MBTD1: variants seen among roughly 807,000 people sequenced by gnomAD.
MBTD1 encodes mbt domain containing 1, also known as MBT domain-containing protein 1.
Under a neutral mutation model 87.8 loss-of-function variants are expected in MBTD1, and 24 were observed. The ratio of observed to expected loss-of-function variants is 0.27; its 90% CI spans 0.20 to 0.38. MBTD1 has a LOEUF of 0.38. Among genes scored for constraint, MBTD1 ranks in the 10% least tolerant of loss-of-function variants. MBTD1 has a pLI of 1.00. For missense variants in MBTD1, 436 were observed against 760.2 expected (o/e 0.57, Z 5.02); for synonymous variants, 237 against 248.6 (o/e 0.95, Z 0.44).
At chr17:51,253,281 C>T (rs1159161512) in intron 2 of MBTD1, among the ~76,000 whole-genome samples, 1 of 152,116 alleles carries the variant, frequency 6.6e-6, no homozygotes, top group Non-Finnish European at 1.5e-5. Context: ...CTTAAAATGG[C>T]TATGCCTTTT....
intron 1 of MBTD1, 21 bp downstream of exon 1, chr17:51,259,814 G>C (rs1487045495): frequency 1.6e-6 from 2 of 1,232,408 alleles, no homozygotes; most frequent in Non-Finnish European, 2.0e-6. Context: ...ACACAAAGCG[G>C]CTGCCGCGCT....
At chr17:51,250,199 A>G (rs1164222448) in intron 2 of MBTD1, 1 of 151,778 alleles carries the variant, frequency 6.6e-6, no homozygotes, top group Admixed American at 6.6e-5. Flanking sequence ...GCCACCACAC[A>G]TGGCCTTAGT....
At chr17:51,234,400 C>CAAAAAAAA (rs71149356) in intron 2 of MBTD1, among the ~76,000 whole-genome samples, 5 of 68,670 alleles carry the variant, frequency 7.3e-5, no homozygotes, top group African/African-American at 1.2e-4. Flanking sequence ...TCCCCGTCTC[C>CAAAAAAAA]AAAAAAAAAA....
chr17:51,241,179 T>A (rs1471456173), intron 2 of MBTD1, among the ~76,000 whole-genome samples: 1 of 152,108 alleles, frequency 6.6e-6, no homozygotes, highest in African/African-American at 2.4e-5. Context: ...TTTGCCATGT[T>A]GCCAGGCTAG....
At chr17:51,236,704 T>G (rs934714606) in intron 2 of MBTD1, among the ~76,000 whole-genome samples, 1 of 152,130 alleles carries the variant, frequency 6.6e-6, no homozygotes, top group African/African-American at 2.4e-5. Context: ...TCTCTCTGTT[T>G]GCTTATATAT....
intron 16 of MBTD1, 66 bp from the exon 17 acceptor site, chr17:51,180,760 C>T (rs2050269203): frequency 7.4e-6 from 6 of 811,664 alleles, no homozygotes; most frequent in Admixed American, 2.4e-5. Context: ...TGCCTGTGAT[C>T]TTCGTGTTCC....
chr17:51,214,210 T>C (rs2052436479), intron 6 of MBTD1, among the ~76,000 whole-genome samples: 1 of 152,134 alleles, frequency 6.6e-6, no homozygotes, highest in Non-Finnish European at 1.5e-5. Context: ...CAAGCCATCT[T>C]CCTACCTTGG....
upstream of MBTD1, chr17:51,260,567 T>G: frequency 6.2e-7 from 1 of 1,603,400 alleles, no homozygotes; most frequent in Non-Finnish European, 8.5e-7. Context: ...GCGCCTGCGT[T>G]TCTCCTCAAA....
chr17:51,192,333 G>T, intron 15 of MBTD1, 53 bp from the exon 16 acceptor site: 1 of 1,231,984 alleles, frequency 8.1e-7, no homozygotes, highest in Non-Finnish European at 1.2e-6. Flanking sequence ...CAATTTAGAC[G>T]ATACAGTTGT....
chr17:51,193,048 A>C, intron 14 of MBTD1, 32 bp from the exon 15 acceptor site: 1 of 1,478,882 alleles, frequency 6.8e-7, no homozygotes, highest in Non-Finnish European at 9.4e-7. Context: ...TAATATTGGT[A>C]TGAAGAAGAA....
At chr17:51,246,675 G>A (rs9896845) in intron 2 of MBTD1, among the ~76,000 whole-genome samples, 6,383 of 152,060 alleles carry the variant, frequency 0.042, 446 homozygotes, top group African/African-American at 0.14. Flanking sequence ...TCACTCTGTC[G>A]TCCAGGCTGG....
chr17:51,196,903 A>C (rs2051139451), intron 12 of MBTD1, among the ~76,000 whole-genome samples: 1 of 151,370 alleles, frequency 6.6e-6, no homozygotes, highest in African/African-American at 2.4e-5. Context: ...GGGGAAAAAA[A>C]ATTTTTTTTC....
intron 3 of MBTD1, among the ~76,000 whole-genome samples, chr17:51,223,460 C>T (rs193231344): frequency 2.0e-5 from 3 of 151,918 alleles, no homozygotes; most frequent in South Asian, 2.1e-4. Context: ...CACCTGAGCT[C>T]GGGAGGCAGA....
intron 16 of MBTD1, chr17:51,183,834 G>A (rs1363898966): frequency 2.0e-5 from 3 of 152,056 alleles, no homozygotes; most frequent in Non-Finnish European, 2.9e-5. Flanking sequence ...CAAAACCCAA[G>A]TTTCATTAAA....
chr17:51,259,215 T>G lies in MBTD1; in HGVS notation c.-112-9A>C. On this transcript the variant is annotated splice_polypyrimidine_tract_variant and intron_variant, in intron 1 of 16. Coordinates refer to ENST00000586178, the MANE Select transcript of MBTD1 (RefSeq NM_017643.3). ...TAATGTCTCTTCCGACTCTGAAATG[T>G]TAGGATTCTTATTTCACAAAGGAGA... 1 of 1,221,662 alleles carries G rather than the reference T, an allele frequency of 8.2e-7. No individual in the cohort carries two copies. The highest frequency in any genetic ancestry group is 1.6e-5 in the African/African-American group (1 of 64,276). The allele number at this position is 1,221,662 out of a possible 1,614,324, so 75.7% of individuals were successfully genotyped here.
intron 6 of MBTD1, among the ~76,000 whole-genome samples, chr17:51,212,819 C>T (rs1435359672): frequency 6.6e-6 from 1 of 152,108 alleles, no homozygotes; most frequent in East Asian, 1.9e-4. Flanking sequence ...TGCAGTGGCG[C>T]AATCTCAGCT....
chr17:51,230,270 A>C lies in MBTD1; in HGVS notation c.-48-5061T>G, dbSNP rs898121778. On this transcript the variant is annotated intron_variant, in intron 2 of 16. Transcript: ENST00000586178. ...GGAAGGGAATGGGACAACCACATTTAGATACAGTGTGGTGTTATGAACACA... is the reference window on the plus strand; with the variant it reads ...GGAAGGGAATGGGACAACCACATTTCGATACAGTGTGGTGTTATGAACACA... 2.4e-4 allele frequency among the ~76,000 whole-genome samples: 37 copies of C among 152,242 alleles called. 1 individual carries two copies.
intron 13 of MBTD1, among the ~76,000 whole-genome samples, 164 bp from the exon 14 acceptor site, chr17:51,193,674 G>A (rs1442875450): frequency 1.3e-5 from 2 of 152,202 alleles, no homozygotes; most frequent in Non-Finnish European, 2.9e-5. Flanking sequence ...CTGGAGTGCA[G>A]TAGTGCCCTC....
chr17:51,206,935 C>T lies in MBTD1; in HGVS notation c.557G>A (p.Ser186Asn), dbSNP rs1421407861. The T allele has an allele frequency of 1.9e-6, 3 of 1,613,738 alleles. No homozygotes were observed. In the Admixed American group the frequency reaches 5.0e-5, roughly 27 times the overall value. The change falls in exon 7 of 17, where the codon AGC becomes AAC. Residue 186 changes from serine (S) to asparagine (N), a missense_variant. By Grantham distance (46) the Ser-to-Asn change is conservative. Transcript: ENST00000586178. The part of the protein sequence containing the change: ...VRVEVPNTDC[S>N]LPTKVFWIAG... ...AATCCAGAAGACTTTGGTAGGTAGG[C>T]TGCAGTCTGTATTGGGAACTTCTAC...
Sources: gnomAD v4.1 joint callset for allele counts (sites outside exome capture counted in the v4.1 genomes callset) on GRCh38, gnomAD v4.1.1 for gene constraint, MANE v1.5 for transcripts, NCBI Gene and HGNC (gene_info 2026-07-23, HGNC 2026-07-21) for gene names.